The following ZMAT4 variants were observed in gnomAD, a reference collection of about 807,000 sequenced individuals.
ZMAT4 encodes the protein zinc finger matrin-type protein 4.
A neutral mutation model predicts 28.7 loss-of-function variants in ZMAT4; 17 were observed. The ratio of observed to expected loss-of-function variants is 0.59; its 90% CI spans 0.41 to 0.89. The LOEUF (loss-of-function observed/expected upper bound fraction) is 0.89, where lower values mean the gene tolerates loss of function less well. Among genes scored for constraint, ZMAT4 ranks in the 40% least tolerant of loss-of-function variants. The probability of loss-of-function intolerance (pLI) is 0.00; values close to 1 mark genes in which losing one functional copy is unlikely to be tolerated. For missense variants in ZMAT4, 240 were observed against 283.8 expected (o/e 0.85, Z 1.11); for synonymous variants, 117 against 109.2 (o/e 1.07, Z -0.44).
chr8:40,716,016 A>G (rs909960505), intron 3 of ZMAT4, among the ~76,000 whole-genome samples: 3 of 152,250 alleles, frequency 2.0e-5, no homozygotes, highest in Non-Finnish European at 4.4e-5. Context: ...AGAGAAGCCA[A>G]TCAGAGACAG....
chr8:40,734,326 A>G (rs1811669012), intron 3 of ZMAT4, among the ~76,000 whole-genome samples: 1 of 152,208 alleles, frequency 6.6e-6, no homozygotes, highest in Admixed American at 6.5e-5. Context: ...GGCACTTAAG[A>G]GGAGTTACAA....
chr8:40,558,127 G>C (rs1052230994), intron 6 of ZMAT4, among the ~76,000 whole-genome samples: 4 of 152,134 alleles, frequency 2.6e-5, no homozygotes, highest in Non-Finnish European at 5.9e-5. Context: ...GGCCGGCCAG[G>C]CTGCCATGGG....
At chr8:40,556,219 T>G (rs1227138159) in intron 6 of ZMAT4, among the ~76,000 whole-genome samples, 1 of 152,188 alleles carries the variant, frequency 6.6e-6, no homozygotes, top group Non-Finnish European at 1.5e-5. Context: ...ATGAGAATTC[T>G]CAAATCTTGT....
At chr8:40,876,607 A>G (rs1010559693) in intron 1 of ZMAT4, among the ~76,000 whole-genome samples, 6 of 152,160 alleles carry the variant, frequency 3.9e-5, no homozygotes, top group Non-Finnish European at 7.4e-5. Context: ...GAGCCACTGC[A>G]CCCGGCCTGC....
intron 5 of ZMAT4, among the ~76,000 whole-genome samples, chr8:40,618,867 C>T (rs1267963169): frequency 6.6e-6 from 1 of 152,150 alleles, no homozygotes; most frequent in Non-Finnish European, 1.5e-5. Context: ...GAATCGAGTG[C>T]AAAAACTTTC....
chr8:40,716,709 TAA>T (rs1810870020), intron 3 of ZMAT4, among the ~76,000 whole-genome samples: 1 of 151,954 alleles, frequency 6.6e-6, no homozygotes, highest in East Asian at 1.9e-4. Context: ...TAAAAATAAA[TAA>T]GAGAGAGTCA....
chr8:40,588,244 CA>C (rs1275719443), intron 5 of ZMAT4, among the ~76,000 whole-genome samples: 1 of 151,660 alleles, frequency 6.6e-6, no homozygotes, highest in Admixed American at 6.6e-5. Context: ...TCTTAGGAAA[CA>C]AAAAGTATTG....
At chr8:40,556,574 T>C (rs1314772376) in intron 6 of ZMAT4, among the ~76,000 whole-genome samples, 2 of 152,198 alleles carry the variant, frequency 1.3e-5, no homozygotes, top group Non-Finnish European at 1.5e-5. Context: ...CATCACATCC[T>C]GCCTGGACTA....
chr8:40,743,739 A>G (rs1812108319), intron 3 of ZMAT4, among the ~76,000 whole-genome samples: 1 of 152,170 alleles, frequency 6.6e-6, no homozygotes, highest in East Asian at 1.9e-4. Context: ...GCGTGAAGCC[A>G]CAGATCATGG....
chr8:40,570,834 C>T (rs951530182), intron 6 of ZMAT4, among the ~76,000 whole-genome samples: 2 of 152,156 alleles, frequency 1.3e-5, no homozygotes, highest in African/African-American at 4.8e-5. Flanking sequence ...CCATCTGCTT[C>T]CCAGGCCAGG....
At chr8:40,882,493 A>T (rs528490455) in intron 1 of ZMAT4, among the ~76,000 whole-genome samples, 1 of 152,180 alleles carries the variant, frequency 6.6e-6, no homozygotes, top group South Asian at 2.1e-4. Context: ...TAGCTTTCTT[A>T]CTTACCAACC....
At chr8:40,835,618 A>T (rs980026310) in intron 1 of ZMAT4, among the ~76,000 whole-genome samples, 16 of 152,200 alleles carry the variant, frequency 1.1e-4, no homozygotes, top group African/African-American at 3.4e-4. Flanking sequence ...TCTTCACAAG[A>T]CTGCCCCTAT....
intron 2 of ZMAT4, among the ~76,000 whole-genome samples, chr8:40,809,224 T>A (rs1815218780): frequency 6.6e-6 from 1 of 152,134 alleles, no homozygotes; most frequent in South Asian, 2.1e-4. Flanking sequence ...ATACTTCATG[T>A]TTTCACTTAT....
chr8:40,560,388 C>T (rs553466171), intron 6 of ZMAT4, among the ~76,000 whole-genome samples: 19 of 152,078 alleles, frequency 1.2e-4, no homozygotes, highest in South Asian at 2.1e-4. Flanking sequence ...TTCATCAATG[C>T]TTTTTCTTGG....
chr8:40,745,332 T>G (rs1407137882), intron 3 of ZMAT4, among the ~76,000 whole-genome samples: 1 of 152,176 alleles, frequency 6.6e-6, no homozygotes, highest in Non-Finnish European at 1.5e-5. Flanking sequence ...TCTACAATTG[T>G]GTGACCCTAG....
chr8:40,726,652 C>T (rs897609949), intron 3 of ZMAT4, among the ~76,000 whole-genome samples: 1 of 152,236 alleles, frequency 6.6e-6, no homozygotes, highest in Non-Finnish European at 1.5e-5. Context: ...AAACCCACAA[C>T]ACAAACCTAG....
intron 6 of ZMAT4, among the ~76,000 whole-genome samples, chr8:40,562,907 T>A (rs1803794237): frequency 6.6e-6 from 1 of 152,184 alleles, no homozygotes; most frequent in African/African-American, 2.4e-5. Flanking sequence ...CTTCTCTTCC[T>A]TTGTCACGAC....
At chr8:40,680,172 G>C (rs1431504621) in intron 4 of ZMAT4, among the ~76,000 whole-genome samples, 1 of 152,132 alleles carries the variant, frequency 6.6e-6, no homozygotes, top group Non-Finnish European at 1.5e-5. Flanking sequence ...GCCTATATCT[G>C]TAAGTTGCAG....
chr8:40,887,825 C>T (rs1586228442), intron 1 of ZMAT4, among the ~76,000 whole-genome samples: 1 of 152,184 alleles, frequency 6.6e-6, no homozygotes, highest in East Asian at 1.9e-4. Context: ...ACAGGAGAGA[C>T]TTCTGAGACA....
Sources: allele counts gnomAD v4.1 joint callset (sites outside exome capture counted in the v4.1 genomes callset), GRCh38; gene constraint gnomAD v4.1.1; transcripts MANE v1.5; gene names NCBI Gene and HGNC (gene_info 2026-07-23, HGNC 2026-07-21).